RABGAP1: variants seen among roughly 807,000 people sequenced by gnomAD.
The protein encoded by RABGAP1 is RAB GTPase activating protein 1.
In RABGAP1, 23 loss-of-function variants were observed where a neutral mutation model predicts 137.6. The observed-to-expected ratio is 0.17, with a 90% CI of 0.12 to 0.24. The LOEUF is 0.24. RABGAP1 is among the 10% of genes least tolerant of loss of function. The probability of loss-of-function intolerance (pLI) is 1.00; values close to 1 mark genes in which losing one functional copy is unlikely to be tolerated. For missense variants in RABGAP1, 906 were observed against 1,275.8 expected (o/e 0.71, Z 4.42); for synonymous variants, 451 against 450.7 (o/e 1.00, Z -0.01).
intron 3 of RABGAP1, 71 bp downstream of exon 3, chr9:122,984,790 A>AAATAAAACCTAGTACAG: frequency 7.2e-7 from 1 of 1,385,852 alleles, no homozygotes; most frequent in Non-Finnish European, 1.0e-6. Context: ...ACCCTGTACT[A>AAATAAAACCTAGTACAG]GGTTTTATTT....
At chr9:123,088,388 T>A (rs560722941) in intron 19 of RABGAP1, among the ~76,000 whole-genome samples, 103 of 152,200 alleles carry the variant, frequency 6.8e-4, no homozygotes, top group Middle Eastern at 3.4e-3. Context: ...GTTTTTTTTT[T>A]AATCACTTTT....
the RABGAP1 span, among the ~76,000 whole-genome samples, chr9:122,934,929 G>A: frequency 2.6e-5 from 4 of 152,146 alleles, no homozygotes; most frequent in Non-Finnish European, 4.4e-5. Context: ...TCTTTAGATT[G>A]GAGAGTTTAA....
intron 2 of RABGAP1, among the ~76,000 whole-genome samples, chr9:122,958,710 T>A (rs1036921156): frequency 6.6e-6 from 1 of 152,236 alleles, no homozygotes; most frequent in Non-Finnish European, 1.5e-5. Flanking sequence ...AAAATTTTTG[T>A]CAAAATTTTG....
chr9:123,070,309 C>T lies in RABGAP1; in HGVS notation c.1909-41C>T, dbSNP rs2034313421. 6.2e-7 allele frequency: 1 copy of T among 1,612,564 alleles called. No individual in the cohort carries two copies. The highest frequency in any genetic ancestry group is 1.7e-5 in the Admixed American group (1 of 59,942). The stretch of plus-strand genomic sequence containing the variant: ...TAGTGCCACCATGGCCCACAAGTGG[C>T]TACATTCATTTACATTTCCTCTGTG... On this transcript the variant is annotated intron_variant, in intron 14 of 25. Coordinates refer to ENST00000373647, the MANE Select transcript of RABGAP1 (RefSeq NM_012197.4). This position sits in a 1 kb window ranked among gnomAD's most constrained non-coding sequence, Gnocchi z 4.4.
At position 122,957,073 on chromosome 9, in the gene RABGAP1, C is replaced by A; in HGVS notation, c.14C>A (p.Ala5Asp). The A allele has an allele frequency of 6.6e-7, 1 of 1,518,960 alleles. No individual in the cohort carries two copies. The highest frequency in any genetic ancestry group is 9.0e-7 in the Non-Finnish European group (1 of 1,115,890). The allele number at this position is 1,518,960 out of a possible 1,614,324, so 94.1% of individuals were successfully genotyped here. Residue 5 changes from alanine to aspartate, a missense_variant, in exon 2 of 26, where the codon GCT (alanine) becomes GAT (aspartate). Coordinates refer to ENST00000373647, the MANE Select transcript of RABGAP1 (RefSeq NM_012197.4). The stretch of plus-strand genomic sequence containing the variant: ...CATTCTTGAGTTATGGATGACAAGG[C>A]TTCTGTTGGAAAAATCAGTGTCTCT... The part of the protein sequence containing the change: MDDK[A>D]SVGKISVSSD...
chr9:122,979,155 C>G (rs1260464522), intron 2 of RABGAP1, among the ~76,000 whole-genome samples: 1 of 152,134 alleles, frequency 6.6e-6, no homozygotes, highest in Non-Finnish European at 1.5e-5. Flanking sequence ...GCCTCAGCCT[C>G]CTAAATTGCT....
At chr9:123,075,226 A>T (rs1315261952) in intron 17 of RABGAP1, among the ~76,000 whole-genome samples, 1 of 152,194 alleles carries the variant, frequency 6.6e-6, no homozygotes, top group Admixed American at 6.5e-5. Flanking sequence ...AGCCTTTTTT[A>T]TGTGTTCATA....
intron 2 of RABGAP1, among the ~76,000 whole-genome samples, chr9:122,964,577 C>T (rs1202905611): frequency 6.6e-6 from 1 of 152,098 alleles, no homozygotes; most frequent in Non-Finnish European, 1.5e-5. Context: ...ACATTTCAAC[C>T]TGATAAAGGA....
At chr9:122,990,687 T>A (rs1273107635) in intron 6 of RABGAP1, 1 of 144,894 alleles carries the variant, frequency 6.9e-6, no homozygotes, top group Non-Finnish European at 1.5e-5. Context: ...GAGAATCGCT[T>A]GAACCCGGCA....
At chr9:122,981,407 G>A (rs953510274) in intron 2 of RABGAP1, among the ~76,000 whole-genome samples, 1 of 152,168 alleles carries the variant, frequency 6.6e-6, no homozygotes, top group Non-Finnish European at 1.5e-5. Context: ...GCCATGCTGT[G>A]TATTACATGC....
At chr9:123,059,399 A>T (rs993587765) in intron 13 of RABGAP1, among the ~76,000 whole-genome samples, 53 of 152,064 alleles carry the variant, frequency 3.5e-4, no homozygotes, top group Middle Eastern at 3.4e-3. Context: ...CTAAATAATT[A>T]AAAAAATTAG....
At chr9:123,045,629 G>C (rs1340146581) in intron 13 of RABGAP1, among the ~76,000 whole-genome samples, 1 of 152,166 alleles carries the variant, frequency 6.6e-6, no homozygotes, top group Non-Finnish European at 1.5e-5. Flanking sequence ...TTTGAATGAA[G>C]ATGACAGCAG....
chr9:122,945,147 C>CTTTTTTTTTTTTTTGTTTTTTTT (rs1833876436), intron 1 of RABGAP1, among the ~76,000 whole-genome samples: 1 of 75,772 alleles, frequency 1.3e-5, no homozygotes, highest in Admixed American at 1.6e-4. Context: ...ATAGCTGTTG[C>CTTTTTTTTTTTTTTGTTTTTTTT]TTTTTTTTTT....
At chr9:123,035,720 C>G in intron 13 of RABGAP1, 1 of 741,404 alleles carries the variant, frequency 1.3e-6, no homozygotes, top group Middle Eastern at 3.9e-4. Flanking sequence ...ACTAGGAAAT[C>G]TGGGACAGAA....
chr9:122,998,585 T>C lies in RABGAP1; in HGVS notation c.1205-12T>C. ...TGATTTACCTCTTCAGCCTCTCTCT[T>C]TCTTTGTTTAGATAAAGTCCTGTTT... On this transcript the variant is annotated splice_polypyrimidine_tract_variant and intron_variant, in intron 9 of 25. Coordinates refer to ENST00000373647, the MANE Select transcript of RABGAP1 (RefSeq NM_012197.4). 6.5e-7 allele frequency: 1 copy of C among 1,545,348 alleles called. No individual in the cohort carries two copies. The highest frequency in any genetic ancestry group is 2.3e-5 in the East Asian group (1 of 43,832).
At chr9:123,021,330 CTTT>C (rs397944903) in intron 13 of RABGAP1, among the ~76,000 whole-genome samples, 2 of 111,974 alleles carry the variant, frequency 1.8e-5, no homozygotes, top group Non-Finnish European at 3.7e-5. Flanking sequence ...GAAGAGCAGG[CTTT>C]TTTTTTTTTT....
intron 13 of RABGAP1, among the ~76,000 whole-genome samples, chr9:123,037,775 TC>T (rs889700045): frequency 6.6e-6 from 1 of 152,160 alleles, no homozygotes; most frequent in Admixed American, 6.5e-5. Context: ...CACAGTAGTG[TC>T]CCCTTTAGTG....
chr9:123,024,380 G>A (rs1362766743), intron 13 of RABGAP1, among the ~76,000 whole-genome samples: 1 of 151,788 alleles, frequency 6.6e-6, no homozygotes, highest in Non-Finnish European at 1.5e-5. Context: ...ATCCCAACCA[G>A]TATTAGTTGT....
chr9:123,089,574 T>G, intron 19 of RABGAP1, 184 bp from the exon 20 acceptor site: 1 of 538,382 alleles, frequency 1.9e-6, no homozygotes, highest in Non-Finnish European at 3.3e-6. Flanking sequence ...TCTAAACGCA[T>G]TGAGAATTTG....
Sources: allele counts gnomAD v4.1 joint callset (sites outside exome capture counted in the v4.1 genomes callset), GRCh38; gene constraint gnomAD v4.1.1; non-coding constraint Gnocchi (gnomAD v3.1); transcripts MANE v1.5; gene names NCBI Gene and HGNC (gene_info 2026-07-23, HGNC 2026-07-21).